SLC2A13: variants seen among roughly 807,000 people sequenced by gnomAD.
The protein encoded by SLC2A13 is solute carrier family 2 member 13.
SLC2A13 carries 32 observed loss-of-function variants against 64.4 expected under a neutral mutation model. That is an observed-to-expected ratio of 0.50 (90% CI 0.37 to 0.67). SLC2A13 has a LOEUF of 0.67. Among genes scored for constraint, SLC2A13 ranks in the 30% least tolerant of loss-of-function variants. SLC2A13 has a pLI of 0.00. For synonymous variants in SLC2A13, 338 were observed against 327.1 expected (o/e 1.03, Z -0.36); for missense variants, 743 against 829.2 (o/e 0.90, Z 1.28).
At chr12:40,055,665 G>C (rs539711811) in intron 1 of SLC2A13, among the ~76,000 whole-genome samples, 6 of 152,220 alleles carry the variant, frequency 3.9e-5, no homozygotes, top group Admixed American at 3.3e-4. Flanking sequence ...GGTTTTAACT[G>C]ATTGGTTTCC....
intron 7 of SLC2A13, among the ~76,000 whole-genome samples, chr12:39,818,757 T>A (rs982017157): frequency 5.3e-5 from 8 of 152,152 alleles, no homozygotes; most frequent in Admixed American, 1.3e-4. Context: ...TAAATGTAGA[T>A]GTTTCATATA....
chr12:39,762,848 A>T (rs1269470328), intron 9 of SLC2A13, among the ~76,000 whole-genome samples: 1 of 152,056 alleles, frequency 6.6e-6, no homozygotes, highest in Non-Finnish European at 1.5e-5. Context: ...ATGCAAAGCA[A>T]CACACTTTTA....
chr12:39,987,730 C>T (rs1461588639), intron 3 of SLC2A13, among the ~76,000 whole-genome samples: 1 of 152,046 alleles, frequency 6.6e-6, no homozygotes, highest in African/African-American at 2.4e-5. Context: ...TGTAATAAAG[C>T]ATCATCGGAT....
chr12:39,872,334 T>G (rs1040751354), intron 4 of SLC2A13, among the ~76,000 whole-genome samples: 1 of 152,170 alleles, frequency 6.6e-6, no homozygotes, highest in African/African-American at 2.4e-5. Flanking sequence ...ATGGAATGAA[T>G]CAGAAGTCAT....
chr12:40,097,653 G>C (rs1183697894), intron 1 of SLC2A13, among the ~76,000 whole-genome samples: 2 of 152,122 alleles, frequency 1.3e-5, no homozygotes, highest in Admixed American at 1.3e-4. Flanking sequence ...CTAATCATAA[G>C]AGAAATGTAA....
chr12:40,061,493 C>A (rs888641806), intron 1 of SLC2A13, among the ~76,000 whole-genome samples: 12 of 151,950 alleles, frequency 7.9e-5, no homozygotes, highest in East Asian at 3.9e-4. Flanking sequence ...GAAACACAAT[C>A]AAAAATAATA....
intron 6 of SLC2A13, among the ~76,000 whole-genome samples, chr12:39,851,189 C>T (rs73274653): frequency 0.019 from 2,914 of 152,158 alleles, 97 homozygotes; most frequent in African/African-American, 0.067. Context: ...CATGAGTCAC[C>T]GTGTCCAGCC....
At chr12:39,890,140 G>A (rs1459257034) in intron 4 of SLC2A13, among the ~76,000 whole-genome samples, 1 of 151,368 alleles carries the variant, frequency 6.6e-6, no homozygotes, top group Non-Finnish European at 1.5e-5. Context: ...GCAATTACTA[G>A]GTATATATTA....
intron 7 of SLC2A13, among the ~76,000 whole-genome samples, chr12:39,782,374 T>A (rs577925117): frequency 6.6e-6 from 1 of 152,246 alleles, no homozygotes; most frequent in South Asian, 2.1e-4. Flanking sequence ...ATTCTTGTAA[T>A]AGTGAGTAAG....
At position 40,013,755 on chromosome 12, in the gene SLC2A13, C is replaced by G. The variant is rs528998582; in HGVS notation, c.925+14546G>C. On this transcript the variant is annotated intron_variant, in intron 3 of 9. Coordinates refer to ENST00000280871, the MANE Select transcript of SLC2A13 (RefSeq NM_052885.4). ...GAAATCCACTTTTAATGAGCTCTTACGTGTGCGGCCCTACGCAGGCACTGT... is the reference window on the plus strand; with the variant it reads ...GAAATCCACTTTTAATGAGCTCTTAGGTGTGCGGCCCTACGCAGGCACTGT... Among the ~76,000 whole-genome samples the G allele has an allele frequency of 1.4e-4, 21 of 152,346 alleles. No homozygotes were observed. In the Middle Eastern group the frequency reaches 0.01, roughly 74 times the overall value.
chr12:40,002,054 A>C (rs958976155), intron 3 of SLC2A13, among the ~76,000 whole-genome samples: 1 of 152,230 alleles, frequency 6.6e-6, no homozygotes, highest in African/African-American at 2.4e-5. Flanking sequence ...CATTTCTCCA[A>C]CTAACAACTG....
At chr12:39,993,987 A>G (rs944317721) in intron 3 of SLC2A13, among the ~76,000 whole-genome samples, 5 of 152,248 alleles carry the variant, frequency 3.3e-5, no homozygotes, top group African/African-American at 1.2e-4. Context: ...TTTAGCTTTA[A>G]GAAACAGGTT....
chr12:39,985,023 C>T (rs527426332), intron 3 of SLC2A13, among the ~76,000 whole-genome samples: 91 of 152,242 alleles, frequency 6.0e-4, no homozygotes, highest in African/African-American at 2.1e-3. Context: ...CAGTTTGCTT[C>T]TGTTACCTAT....
chr12:40,022,927 A>T (rs1592015658), intron 3 of SLC2A13, among the ~76,000 whole-genome samples: 1 of 152,278 alleles, frequency 6.6e-6, no homozygotes, highest in East Asian at 1.9e-4. Context: ...GGGGAAAAAA[A>T]GCCCATGACC....
At chr12:39,992,003 G>T (rs1375588610) in intron 3 of SLC2A13, among the ~76,000 whole-genome samples, 1 of 152,058 alleles carries the variant, frequency 6.6e-6, no homozygotes, top group Non-Finnish European at 1.5e-5. Context: ...TGCTACCATT[G>T]CCCCAAAGCT....
Position 40,086,395 on chromosome 12 carries a change from T to G in SLC2A13, c.556+18858A>C, listed in dbSNP as rs17489549. 7.6e-3 allele frequency among the ~76,000 whole-genome samples: 1,151 copies of G among 152,098 alleles called. 12 individuals carry two copies. Among genetic ancestry groups the G allele is most frequent in the African/African-American group, 0.026 (1,089 of 41,482 alleles). On this transcript the variant is annotated intron_variant, in intron 1 of 9. Transcript: ENST00000280871. The stretch of plus-strand genomic sequence containing the variant: ...CACCTGTGGCCATGATAAAAGAAAA[T>G]ATGGTCTTTTCCTTTAGTGCCACTT...
At chr12:40,030,882 A>G (rs1947892413) in intron 2 of SLC2A13, among the ~76,000 whole-genome samples, 1 of 152,218 alleles carries the variant, frequency 6.6e-6, no homozygotes. Context: ...CTGGGTCCGA[A>G]ATGTACAATT....
intron 7 of SLC2A13, among the ~76,000 whole-genome samples, chr12:39,827,663 C>T (rs1473529581): frequency 6.6e-6 from 1 of 152,106 alleles, no homozygotes; most frequent in Non-Finnish European, 1.5e-5. Flanking sequence ...CAGTCTACTA[C>T]ATTTTCTAGA....
intron 3 of SLC2A13, among the ~76,000 whole-genome samples, chr12:40,017,846 A>T (rs1385292164): frequency 6.6e-6 from 1 of 152,144 alleles, no homozygotes; most frequent in Non-Finnish European, 1.5e-5. Context: ...ATACTTCTTT[A>T]GAGGTTCCTC....
Sources: gnomAD v4.1 joint callset for allele counts (sites outside exome capture counted in the v4.1 genomes callset) on GRCh38, gnomAD v4.1.1 for gene constraint, MANE v1.5 for transcripts, NCBI Gene and HGNC (gene_info 2026-07-23, HGNC 2026-07-21) for gene names.